MAD1L1: variants seen among roughly 807,000 people sequenced by gnomAD.
The protein encoded by MAD1L1 is mitotic arrest deficient 1 like 1.
MAD1L1 carries 95 observed loss-of-function variants against 96.9 expected under a neutral mutation model. The observed-to-expected ratio is 0.98, with a 90% confidence interval of 0.83 to 1.16. The LOEUF is 1.16. Ranked by LOEUF, MAD1L1 falls within the 50% of genes most tolerant of loss-of-function variation. The probability of loss-of-function intolerance (pLI) is 0.00; values close to 1 mark genes in which losing one functional copy is unlikely to be tolerated. For synonymous variants in MAD1L1, 473 were observed against 396.6 expected (o/e 1.19, Z -2.29); for missense variants, 1,007 against 954.4 (o/e 1.06, Z -0.73).
intron 11 of MAD1L1, among the ~76,000 whole-genome samples, chr7:2,101,710 G>C (rs1378304341): frequency 6.6e-6 from 1 of 152,206 alleles, no homozygotes; most frequent in Non-Finnish European, 1.5e-5. Flanking sequence ...ACTTACCAAA[G>C]TGAGCAGCCT....
intron 14 of MAD1L1, among the ~76,000 whole-genome samples, chr7:1,983,227 C>T (rs1011320515): frequency 1.3e-5 from 2 of 152,034 alleles, no homozygotes; most frequent in Non-Finnish European, 2.9e-5. Flanking sequence ...GTCAATACAA[C>T]ACTTCCAGAA....
At chr7:1,831,297 T>C (rs1782692272) in intron 18 of MAD1L1, among the ~76,000 whole-genome samples, 1 of 152,222 alleles carries the variant, frequency 6.6e-6, no homozygotes, top group African/African-American at 2.4e-5. Context: ...ATGTCACCAT[T>C]GTAATGGTTT....
chr7:2,100,787 G>A (rs1786741306), intron 11 of MAD1L1, among the ~76,000 whole-genome samples: 1 of 152,220 alleles, frequency 6.6e-6, no homozygotes, highest in Non-Finnish European at 1.5e-5. Context: ...GGCCCTGAAG[G>A]GGGTTGGAGG....
intron 18 of MAD1L1, 68 bp from the exon 19 acceptor site, chr7:1,816,296 C>G: frequency 6.8e-7 from 1 of 1,466,404 alleles, no homozygotes; most frequent in Admixed American, 1.8e-5. Context: ...TCCCCTCCCT[C>G]CCTACACAGC....
chr7:1,885,291 C>G (rs1325771609), intron 18 of MAD1L1, among the ~76,000 whole-genome samples: 2 of 152,212 alleles, frequency 1.3e-5, no homozygotes, highest in East Asian at 3.8e-4. Flanking sequence ...CACATGCCCT[C>G]TGCCCACACC....
intron 12 of MAD1L1, among the ~76,000 whole-genome samples, chr7:2,030,624 G>A (rs970854480): frequency 2.0e-5 from 3 of 152,208 alleles, no homozygotes; most frequent in South Asian, 2.1e-4. Context: ...TGCGCTTGAC[G>A]AAAATGCCTC....
intron 16 of MAD1L1, among the ~76,000 whole-genome samples, chr7:1,949,361 C>CA (rs1250339899): frequency 2.0e-4 from 31 of 152,204 alleles, no homozygotes; most frequent in Non-Finnish European, 4.3e-4. Context: ...GCAGTGAAAC[C>CA]AAAGACGTGG....
chr7:1,954,518 G>C (rs1475999162), intron 16 of MAD1L1, among the ~76,000 whole-genome samples: 2 of 152,140 alleles, frequency 1.3e-5, no homozygotes, highest in African/African-American at 4.8e-5. Context: ...GACAGGGGTG[G>C]GGCAGGAGGC....
chr7:2,182,448 A>G (rs1791246791), intron 10 of MAD1L1, among the ~76,000 whole-genome samples: 2 of 152,198 alleles, frequency 1.3e-5, no homozygotes. Flanking sequence ...CCTAAAAAAG[A>G]AAGAGCTACC....
intron 11 of MAD1L1, among the ~76,000 whole-genome samples, chr7:2,083,488 C>G (rs148743410): frequency 9.2e-4 from 140 of 152,330 alleles, no homozygotes; most frequent in African/African-American, 3.2e-3. Context: ...GGGTGAGTGC[C>G]CCCAGTCTCG....
chr7:2,037,437 G>A (rs898462821), intron 12 of MAD1L1, among the ~76,000 whole-genome samples: 2 of 151,904 alleles, frequency 1.3e-5, no homozygotes, highest in East Asian at 1.9e-4. Context: ...TGCCTTCGGC[G>A]AGGCACCATG....
chr7:1,885,064 G>A (rs548565066), intron 18 of MAD1L1, among the ~76,000 whole-genome samples: 1 of 152,338 alleles, frequency 6.6e-6, no homozygotes, highest in African/African-American at 2.4e-5. Context: ...AACAACCTAA[G>A]TACTTAGTCA....
At chr7:2,060,444 G>A (rs898014777) in intron 12 of MAD1L1, among the ~76,000 whole-genome samples, 5 of 152,174 alleles carry the variant, frequency 3.3e-5, no homozygotes, top group Admixed American at 2.0e-4. Flanking sequence ...CTGAGATAAC[G>A]CCGATGCCGA....
chr7:2,179,581 C>G (rs891178195), intron 10 of MAD1L1, among the ~76,000 whole-genome samples: 1 of 149,774 alleles, frequency 6.7e-6, no homozygotes, highest in Non-Finnish European at 1.5e-5. Context: ...ACAGAGGGAA[C>G]AGAATGGGGC....
At chr7:2,113,815 A>C (rs2128557223) in intron 11 of MAD1L1, among the ~76,000 whole-genome samples, 1 of 152,308 alleles carries the variant, frequency 6.6e-6, no homozygotes, top group African/African-American at 2.4e-5. Context: ...GCTTCAACCT[A>C]ATCATGTATA....
chr7:2,176,025 C>T (rs751052247), intron 10 of MAD1L1, among the ~76,000 whole-genome samples: 11 of 152,306 alleles, frequency 7.2e-5, no homozygotes, highest in Middle Eastern at 3.4e-3. Flanking sequence ...ATCCTGTCTG[C>T]ATTGTACATT....
At chr7:2,157,551 C>CAGGGCAGAGGGTGTCTGAAAGAGG (rs1789906935) in intron 10 of MAD1L1, among the ~76,000 whole-genome samples, 1 of 152,148 alleles carries the variant, frequency 6.6e-6, no homozygotes, top group African/African-American at 2.4e-5. Flanking sequence ...CCCTGGGACA[C>CAGGGCAGAGGGTGTCTGAAAGAGG]AGGGCAGAGG....
intron 17 of MAD1L1, among the ~76,000 whole-genome samples, chr7:1,905,635 G>T (rs1340198214): frequency 6.6e-6 from 1 of 152,054 alleles, no homozygotes; most frequent in Non-Finnish European, 1.5e-5. Context: ...TTCATGATTG[G>T]TGAAGCACTG....
chr7:2,062,433 G>C (rs539126801), intron 12 of MAD1L1, among the ~76,000 whole-genome samples: 1 of 151,734 alleles, frequency 6.6e-6, no homozygotes, highest in African/African-American at 2.4e-5. Context: ...AAATTAGCCC[G>C]GTGTGGTGAC....
Sources: gnomAD v4.1 joint callset for allele counts (sites outside exome capture counted in the v4.1 genomes callset) on GRCh38, gnomAD v4.1.1 for gene constraint, MANE v1.5 for transcripts, NCBI Gene and HGNC (gene_info 2026-07-23, HGNC 2026-07-21) for gene names.